The following SMYD3 variants were observed in gnomAD, a reference collection of about 807,000 sequenced individuals.
SMYD3 encodes SET and MYND domain containing 3, also known as histone-lysine N-methyltransferase SMYD3.
Under a neutral mutation model 57.7 loss-of-function variants are expected in SMYD3, and 36 were observed. The observed-to-expected ratio is 0.62, with a 90% CI of 0.48 to 0.82. SMYD3 has a LOEUF of 0.82. Ranked by LOEUF, SMYD3 falls within the 40% of genes least tolerant of loss-of-function variation. The probability of loss-of-function intolerance (pLI) is 0.00; values close to 1 mark genes in which losing one functional copy is unlikely to be tolerated. For missense variants in SMYD3, 515 were observed against 538.8 expected, an observed-to-expected ratio of 0.96 and a Z score of 0.44; for synonymous variants, 211 against 195.0, an observed-to-expected ratio of 1.08 and a Z score of -0.68.
At chr1:246,392,957 G>A (rs1245399376) in intron 1 of SMYD3, among the ~76,000 whole-genome samples, 2 of 151,988 alleles carry the variant, frequency 1.3e-5, no homozygotes, top group Admixed American at 1.3e-4. Context: ...AAACACACTA[G>A]AAGGCTGTAG....
chr1:245,793,104 T>C (rs1198691806), intron 10 of SMYD3, among the ~76,000 whole-genome samples: 12 of 110,364 alleles, frequency 1.1e-4, no homozygotes, highest in African/African-American at 3.1e-4. Context: ...AATCAGGAGA[T>C]CAAGACCATC....
chr1:245,939,044 G>A (rs1451653510), intron 5 of SMYD3, among the ~76,000 whole-genome samples: 1 of 151,888 alleles, frequency 6.6e-6, no homozygotes, highest in Non-Finnish European at 1.5e-5. Flanking sequence ...TACTCGGGAG[G>A]GTGAGGCAGA....
At chr1:245,798,995 G>A (rs2047724314) in intron 10 of SMYD3, among the ~76,000 whole-genome samples, 1 of 152,168 alleles carries the variant, frequency 6.6e-6, no homozygotes, top group South Asian at 2.1e-4. Flanking sequence ...CATCCAACAG[G>A]CACTCTTCTC....
intron 5 of SMYD3, among the ~76,000 whole-genome samples, chr1:246,121,250 C>A (rs1385048022): frequency 6.6e-6 from 1 of 151,722 alleles, no homozygotes; most frequent in African/African-American, 2.4e-5. Context: ...TTAAGCCACC[C>A]AGTAAATGTG....
At chr1:246,193,164 C>G (rs2062768231) in intron 5 of SMYD3, among the ~76,000 whole-genome samples, 1 of 152,084 alleles carries the variant, frequency 6.6e-6, no homozygotes, top group Non-Finnish European at 1.5e-5. Context: ...TGTTTACTAC[C>G]AGTTAAGAAA....
chr1:246,278,042 GAGGA>G (rs1407171913), intron 5 of SMYD3, among the ~76,000 whole-genome samples: 1 of 152,160 alleles, frequency 6.6e-6, no homozygotes, highest in Non-Finnish European at 1.5e-5. Context: ...AAACAGAAAT[GAGGA>G]AGGGAGTACA....
At chr1:246,250,525 A>C (rs971584753) in intron 5 of SMYD3, among the ~76,000 whole-genome samples, 1 of 152,186 alleles carries the variant, frequency 6.6e-6, no homozygotes, top group Non-Finnish European at 1.5e-5. Context: ...TGACCACTAC[A>C]AAAGCTGCTC....
At chr1:246,029,673 GAA>G (rs34698516) in intron 5 of SMYD3, among the ~76,000 whole-genome samples, 20 of 88,146 alleles carry the variant, frequency 2.3e-4, no homozygotes, top group South Asian at 9.9e-4. Context: ...CTCTGTCTCA[GAA>G]AAAAAAAAAA....
At chr1:246,409,573 C>T (rs1481262750) in intron 1 of SMYD3, among the ~76,000 whole-genome samples, 2 of 152,200 alleles carry the variant, frequency 1.3e-5, no homozygotes, top group African/African-American at 2.4e-5. Context: ...GTTTTGGTTA[C>T]TGTAGCCTTG....
At chr1:246,425,582 C>T (rs984716124) in intron 1 of SMYD3, among the ~76,000 whole-genome samples, 4 of 152,192 alleles carry the variant, frequency 2.6e-5, no homozygotes, top group African/African-American at 9.6e-5. Context: ...TAAATACTCC[C>T]GCTTCTTTGC....
intron 1 of SMYD3, among the ~76,000 whole-genome samples, chr1:246,371,751 T>TA (rs972074630): frequency 1.3e-5 from 2 of 152,204 alleles, no homozygotes; most frequent in African/African-American, 4.8e-5. Flanking sequence ...TTCTCTCTCT[T>TA]ACTTCCTCCA....
At position 246,154,770 on chromosome 1, in the gene SMYD3, GTTTTGTT is replaced by G. The variant is rs527945068; in HGVS notation, c.531+172424_531+172430del. Reference sequence around the variant, plus strand: ...TCAAAACAAACAATGTTTTTTTTTTGTTTTGTTTTTTGTTTTTTGTTTTTTTTTTGAG... The same window carrying G: ...TCAAAACAAACAATGTTTTTTTTTTGTTTTGTTTTTTGTTTTTTTTTTGAG... On this transcript the variant is annotated intron_variant, in intron 5 of 11. Coordinates refer to ENST00000490107, the MANE Select transcript of SMYD3 (RefSeq NM_001167740.2). Among the ~76,000 whole-genome samples the G allele has an allele frequency of 4.6e-4, 69 of 149,834 alleles. 1 individual carries two copies. The highest frequency in any genetic ancestry group is 1.3e-3 in the African/African-American group (53 of 40,822).
At chr1:245,885,097 G>C (rs2053015219) in intron 8 of SMYD3, among the ~76,000 whole-genome samples, 2 of 152,094 alleles carry the variant, frequency 1.3e-5, no homozygotes, top group African/African-American at 4.8e-5. Flanking sequence ...AAACAACTCT[G>C]TACACGCCAC....
intron 6 of SMYD3, among the ~76,000 whole-genome samples, chr1:245,928,655 C>T (rs1225424616): frequency 1.3e-5 from 2 of 151,824 alleles, no homozygotes; most frequent in African/African-American, 2.4e-5. Context: ...GCCTGGGTGA[C>T]AGAGTGAGAC....
rs375795038 is a variant in SMYD3 at position 246,428,945 on chromosome 1, T to C, written c.165-73851A>G. On this transcript the variant is annotated intron_variant, in intron 1 of 11. Coordinates refer to ENST00000490107, the MANE Select transcript of SMYD3 (RefSeq NM_001167740.2). ...GTCTGGCTCCCCGTCAGGAATATTA[T>C]AGATGCCAATGGGTCCTGGAACTAC... 1.8e-4 allele frequency among the ~76,000 whole-genome samples: 27 copies of C among 151,490 alleles called. No individual in the cohort carries two copies. The East Asian group carries it at 4.3e-3, about 24-fold the overall frequency.
At chr1:245,986,567 T>C (rs1359613041) in intron 5 of SMYD3, among the ~76,000 whole-genome samples, 1 of 152,224 alleles carries the variant, frequency 6.6e-6, no homozygotes, top group East Asian at 1.9e-4. Flanking sequence ...CAGTAATAAA[T>C]GCCTGAACTA....
intron 5 of SMYD3, among the ~76,000 whole-genome samples, chr1:246,264,403 A>T (rs772717905): frequency 6.6e-6 from 1 of 152,214 alleles, no homozygotes; most frequent in Non-Finnish European, 1.5e-5. Context: ...TAATCCCAGC[A>T]TTTTGGGAAG....
chr1:246,506,980 C>T (rs919920505), intron 1 of SMYD3, 74 bp downstream of exon 1: 1 of 802,604 alleles, frequency 1.2e-6, no homozygotes, highest in Non-Finnish European at 1.7e-6. Context: ...CGGCTGCCGG[C>T]CGCCCGACGC....
intron 2 of SMYD3, among the ~76,000 whole-genome samples, chr1:246,349,090 A>G (rs898816889): frequency 3.3e-5 from 5 of 152,224 alleles, no homozygotes; most frequent in Non-Finnish European, 7.3e-5. Flanking sequence ...AAATGTTAAA[A>G]GAAATTCTGT....
Sources: allele counts gnomAD v4.1 joint callset (sites outside exome capture counted in the v4.1 genomes callset), GRCh38; gene constraint gnomAD v4.1.1; transcripts MANE v1.5; gene names NCBI Gene and HGNC (gene_info 2026-07-23, HGNC 2026-07-21).